The following KLHDC8A variants were observed in gnomAD, a reference collection of about 807,000 sequenced individuals.
KLHDC8A encodes kelch domain containing 8A.
In KLHDC8A, 21 loss-of-function variants were observed where a neutral mutation model predicts 33.1. The ratio of observed to expected loss-of-function variants is 0.64; its 90% CI spans 0.45 to 0.91. KLHDC8A has a LOEUF of 0.91. KLHDC8A is among the 40% of genes least tolerant of loss of function. The pLI is 0.00. For synonymous variants in KLHDC8A, 173 were observed against 193.5 expected, an observed-to-expected ratio of 0.89 and a Z score of 0.88; for missense variants, 435 against 483.3, an observed-to-expected ratio of 0.90 and a Z score of 0.94.
Position 205,346,868 on chromosome 1 carries a change from C to T in KLHDC8A, c.-189-3075G>A, listed in dbSNP as rs568726476. 3.9e-5 allele frequency among the ~76,000 whole-genome samples: 6 copies of T among 152,306 alleles called. No individual in the cohort carries two copies. The South Asian group carries it at 6.2e-4, about 16-fold the overall frequency. ...GGAGCCCAGGCCACCAAGGAGATTC[C>T]AGCGGCTGCCCATACTGTTTGTGCC... is the stretch of plus-strand genomic sequence containing the variant. On this transcript the variant is annotated intron_variant, in intron 1 of 5. Transcript: ENST00000367155.
At position 205,356,651 on chromosome 1, in the gene KLHDC8A, G is replaced by A; in HGVS notation, c.-308C>T. ...GAGGCTTGTCCTAGGAGCTGGCTGG[G>A]AATAGAGTCGGCAAGGTCCCCAGGG... is the stretch of plus-strand genomic sequence containing the variant. On this transcript the variant is annotated 5_prime_UTR_variant, in exon 1 of 6. Coordinates refer to ENST00000367155, the MANE Select transcript of KLHDC8A (RefSeq NM_018203.3). 1 of 453,064 alleles carries A rather than the reference G, an allele frequency of 2.2e-6. No individual in the cohort carries two copies. Among genetic ancestry groups the A allele is most frequent in the Non-Finnish European group, 4.4e-6 (1 of 225,378 alleles). 28.1% of individuals were successfully genotyped at this position (453,064 alleles called of 1,614,324 possible).
chr1:205,339,772 T>C lies in KLHDC8A; in HGVS notation c.413A>G (p.Asp138Gly). Reference sequence around the variant, plus strand: ...TTGGAGGTGGTTGTGTGGACGTAGGTCCAGGCCCATCCCGCCTGCCGCATA... The same window carrying C: ...TTGGAGGTGGTTGTGTGGACGTAGGCCCAGGCCCATCCCGCCTGCCGCATA... ...RVYAAGGMGL[D>G]LRPHNHLQHY... The change falls in exon 3 of 6, where the codon GAC (aspartate) becomes GGC (glycine). Residue 138 changes from aspartate to glycine, a missense_variant. Coordinates refer to ENST00000367155, the MANE Select transcript of KLHDC8A (RefSeq NM_018203.3). This position sits in a 1 kb window ranked among gnomAD's most constrained non-coding sequence, Gnocchi z 5.1. 1 of 1,612,366 alleles carries C rather than the reference T, an allele frequency of 6.2e-7. No homozygotes were observed. The highest frequency in any genetic ancestry group is 1.1e-5 in the South Asian group (1 of 90,974).
chr1:205,347,729 G>A (rs983305070), intron 1 of KLHDC8A, among the ~76,000 whole-genome samples: 4 of 152,038 alleles, frequency 2.6e-5, no homozygotes, highest in Admixed American at 6.6e-5. Flanking sequence ...AAAAAAAAGT[G>A]TTTCATTTTT....
Position 205,338,484 on chromosome 1 carries a change from G to T in KLHDC8A, c.859+11C>A. 6.3e-7 allele frequency: 1 copy of T among 1,599,146 alleles called. No homozygotes were observed. The highest frequency in any genetic ancestry group is 8.6e-7 in the Non-Finnish European group (1 of 1,166,558). ...CCACAATAAATTCCAGCGTGAAAGC[G>T]CCATCCTTACCAAGTCCCCCAGCCA... On this transcript the variant is annotated intron_variant, in intron 5 of 5. Transcript: ENST00000367155.
intron 1 of KLHDC8A, among the ~76,000 whole-genome samples, chr1:205,346,873 G>A (rs1662963113): frequency 6.6e-6 from 1 of 152,212 alleles, no homozygotes; most frequent in South Asian, 2.1e-4. Flanking sequence ...GATTCCAGCG[G>A]CTGCCCATAC....
In KLHDC8A at chr1:205,336,974, C is replaced by T. The variant is rs10900482; in HGVS notation, c.*425G>A. 0.23 allele frequency: 40,625 copies of T among 177,878 alleles called. 5,049 individuals carry two copies. Among genetic ancestry groups the T allele is most frequent in the Non-Finnish European group, 0.27 (22,692 of 82,592 alleles). 11.0% of individuals were successfully genotyped at this position (177,878 alleles called of 1,614,324 possible). On this transcript the variant is annotated 3_prime_UTR_variant, in exon 6 of 6. Coordinates refer to ENST00000367155, the MANE Select transcript of KLHDC8A (RefSeq NM_018203.3). ...GTGGTTTGGAACCCCCAATCATTCT[C>T]CATTTTTCATCCTAAGCTACCTTAA...
chr1:205,341,389 G>C (rs1662785326), intron 2 of KLHDC8A, among the ~76,000 whole-genome samples: 1 of 151,886 alleles, frequency 6.6e-6, no homozygotes, highest in Non-Finnish European at 1.5e-5. Flanking sequence ...CCTAGCCTGA[G>C]GCTGGAAGAC....
chr1:205,337,442 C>A lies in KLHDC8A; in HGVS notation c.1010G>T (p.Gly337Val), dbSNP rs1387933590. The A allele has an allele frequency of 1.2e-6, 2 of 1,613,842 alleles. No individual in the cohort carries two copies. Among genetic ancestry groups the A allele is most frequent in the Admixed American group, 3.3e-5 (2 of 60,020 alleles). ...CAGGGCCTCCACTGCGTCACTCAGA[C>A]CCTGGTTGACACCTCCCACGGCGAG... ...CLLAVGGVNQGLSDAVEALCV... is the reference protein window; with the variant it reads ...CLLAVGGVNQVLSDAVEALCV... The change falls in exon 6 of 6, where the codon GGT becomes GTT. Residue 337 changes from glycine (G) to valine (V), a missense_variant. By Grantham distance (109) the Gly-to-Val change is moderately radical. Transcript: ENST00000367155.
At chr1:205,350,060 A>G (rs1663053781) in intron 1 of KLHDC8A, among the ~76,000 whole-genome samples, 1 of 152,206 alleles carries the variant, frequency 6.6e-6, no homozygotes, top group African/African-American at 2.4e-5. Flanking sequence ...AAAGCAGCAG[A>G]TTCTAGAACG....
At chr1:205,351,984 A>G (rs558355422) in intron 1 of KLHDC8A, among the ~76,000 whole-genome samples, 1 of 151,998 alleles carries the variant, frequency 6.6e-6, no homozygotes, top group East Asian at 1.9e-4. Flanking sequence ...CCTAACTCCA[A>G]ATTTTGTCTG....
At position 205,339,042 on chromosome 1, in the gene KLHDC8A, G is replaced by T; in HGVS notation, c.757+152C>A. On this transcript the variant is annotated intron_variant, in intron 4 of 5. Coordinates refer to ENST00000367155, the MANE Select transcript of KLHDC8A (RefSeq NM_018203.3). The surrounding 1 kb of genome is among the most constrained non-coding windows in gnomAD (Gnocchi z 5.1). ...ATGAAGGAATTTGATTCCAAGAGTA[G>T]CCCTGAGTGGAGAGGGGTGCTGAGA... is the stretch of plus-strand genomic sequence containing the variant. 1.6e-6 allele frequency: 1 copy of T among 635,142 alleles called. No homozygotes were observed. Among genetic ancestry groups the T allele is most frequent in the Non-Finnish European group, 2.7e-6 (1 of 365,158 alleles). The allele number at this position is 635,142 out of a possible 1,614,324, so 39.3% of individuals were successfully genotyped here.
chr1:205,355,773 T>C lies in KLHDC8A; in HGVS notation c.-190+760A>G, dbSNP rs1036908768. ...ACAGGGATGTGACATCTAGCTTGCC[T>C]GGCCCCGGAATCCCCATACCTGTCT... On this transcript the variant is annotated intron_variant, in intron 1 of 5. Transcript: ENST00000367155. Among the ~76,000 whole-genome samples the C allele has an allele frequency of 9.2e-5, 14 of 152,174 alleles. 1 individual carries two copies. Among genetic ancestry groups the C allele is most frequent in the Admixed American group, 7.9e-4 (12 of 15,278 alleles).
chr1:205,339,633 C>A lies in KLHDC8A; in HGVS notation c.541+11G>T. The A allele has an allele frequency of 6.2e-7, 1 of 1,613,770 alleles. No individual in the cohort carries two copies. Among genetic ancestry groups the A allele is most frequent in the Non-Finnish European group, 8.5e-7 (1 of 1,179,812 alleles). On this transcript the variant is annotated intron_variant, in intron 3 of 5. Coordinates refer to ENST00000367155, the MANE Select transcript of KLHDC8A (RefSeq NM_018203.3). The surrounding 1 kb of genome is among the most constrained non-coding windows in gnomAD (Gnocchi z 5.1). ...AAGGAGGGTAGGTATAGAACAGTAA[C>A]CTGTCCTTACCCAGCACGTAGATCT...
Position 205,339,597 on chromosome 1 carries a change from C to T in KLHDC8A, c.541+47G>A, listed in dbSNP as rs1305728585. 2 of 1,597,080 alleles carry T rather than the reference C, an allele frequency of 1.3e-6. No homozygotes were observed. Among genetic ancestry groups the T allele is most frequent in the African/African-American group, 2.7e-5 (2 of 74,608 alleles). Reference sequence around the variant, plus strand: ...GGCACTGCTTCCTATGGGAACTGAGCCAAGGGAAGGAAGGAGGGTAGGTAT... The same window carrying T: ...GGCACTGCTTCCTATGGGAACTGAGTCAAGGGAAGGAAGGAGGGTAGGTAT... On this transcript the variant is annotated intron_variant, in intron 3 of 5. Transcript: ENST00000367155. This position sits in a 1 kb window ranked among gnomAD's most constrained non-coding sequence, Gnocchi z 5.1.
chr1:205,341,886 T>A (rs1382910289), intron 2 of KLHDC8A, among the ~76,000 whole-genome samples: 1 of 152,164 alleles, frequency 6.6e-6, no homozygotes, highest in Non-Finnish European at 1.5e-5. Flanking sequence ...CCTGACCTCA[T>A]GATCCGCCCG....
At position 205,338,590 on chromosome 1, in the gene KLHDC8A, C is replaced by T. The variant is rs759102090; in HGVS notation, c.764G>A (p.Trp255Ter). ...MDVFDMEQGG[W>*]LKMERSFFLK... is the part of the protein sequence containing the mutation. ...GAAGAACGATCGTTCCATCTTCAGC[C>T]ATCCCCCTATAGGCCATGGATAATG... The change falls in exon 5 of 6, where the codon TGG becomes TAG. Residue 255 changes from tryptophan (W) to a stop codon, truncating the protein, a stop_gained. Coordinates refer to ENST00000367155, the MANE Select transcript of KLHDC8A (RefSeq NM_018203.3). LOFTEE classifies it high-confidence loss of function. The T allele has an allele frequency of 2.5e-6, 4 of 1,613,912 alleles. No homozygotes were observed. In the African/African-American group the frequency reaches 5.3e-5, roughly 22 times the overall value.
rs1247324205 is a variant in KLHDC8A at position 205,343,625 on chromosome 1, G to A, written c.-21C>T. The A allele has an allele frequency of 6.5e-7, 1 of 1,547,778 alleles. No homozygotes were observed. Among genetic ancestry groups the A allele is most frequent in the Non-Finnish European group, 8.7e-7 (1 of 1,145,052 alleles). ...TCCATGGCAGCCTTGGGGAGCGCCC[G>A]GGCGCCGGGAGAGGTGCGAGCGCGG... On this transcript the variant is annotated 5_prime_UTR_variant, in exon 2 of 6. Transcript: ENST00000367155.
chr1:205,346,679 C>G (rs1662957465), intron 1 of KLHDC8A, among the ~76,000 whole-genome samples: 1 of 152,190 alleles, frequency 6.6e-6, no homozygotes. Context: ...TACTTAGGAC[C>G]ATGCAGGCCG....
intron 5 of KLHDC8A, among the ~76,000 whole-genome samples, chr1:205,338,030 C>G (rs1212467962): frequency 6.6e-6 from 1 of 152,174 alleles, no homozygotes; most frequent in East Asian, 1.9e-4. Flanking sequence ...TTTAGAGTCC[C>G]TCCTTCAAAA....
Sources: allele counts gnomAD v4.1 joint callset (sites outside exome capture counted in the v4.1 genomes callset), GRCh38; gene constraint gnomAD v4.1.1; non-coding constraint Gnocchi (gnomAD v3.1); transcripts MANE v1.5; gene names NCBI Gene and HGNC (gene_info 2026-07-23, HGNC 2026-07-21).